The following FYB1 variants were observed in gnomAD, a reference collection of about 807,000 sequenced individuals.
FYB1 encodes the protein FYN-binding protein 1.
A neutral mutation model predicts 94.1 loss-of-function variants in FYB1; 41 were observed. That is an observed-to-expected ratio of 0.44 (90% CI 0.34 to 0.57). The LOEUF is 0.57. Among genes scored for constraint, FYB1 ranks in the 20% least tolerant of loss-of-function variants. The pLI, the probability that FYB1 is intolerant of heterozygous loss-of-function variation, is 0.02. For synonymous variants in FYB1, 367 were observed against 353.2 expected (o/e 1.04, Z -0.44); for missense variants, 1,050 against 976.8 (o/e 1.07, Z -1.00).
At chr5:39,236,530 T>C (rs1234878693) in intron 1 of FYB1, among the ~76,000 whole-genome samples, 1 of 152,070 alleles carries the variant, frequency 6.6e-6, no homozygotes, top group Non-Finnish European at 1.5e-5. Flanking sequence ...GCCATATCCA[T>C]AGAGATATAG....
chr5:39,212,729 T>C (rs1351630920), intron 1 of FYB1: 1 of 152,218 alleles, frequency 6.6e-6, no homozygotes, highest in Admixed American at 6.5e-5. Context: ...CTCATTAAAA[T>C]TGTGATGTTT....
intron 1 of FYB1, among the ~76,000 whole-genome samples, chr5:39,211,412 C>G (rs1007075958): frequency 6.6e-5 from 10 of 151,818 alleles, no homozygotes; most frequent in Non-Finnish European, 5.9e-5. Flanking sequence ...GCTCCGCCTC[C>G]CAGGTTCACG....
chr5:39,228,642 C>T (rs902616901), intron 1 of FYB1, among the ~76,000 whole-genome samples: 1 of 152,128 alleles, frequency 6.6e-6, no homozygotes, highest in Non-Finnish European at 1.5e-5. Context: ...TTTCAAATCA[C>T]CAGGGTCAAC....
intron 2 of FYB1, chr5:39,170,327 A>C: frequency 7.5e-7 from 1 of 1,334,556 alleles, no homozygotes; most frequent in Admixed American, 2.5e-5. Context: ...TCAACAAACC[A>C]AGACATGATG....
At chr5:39,209,707 T>G (rs1415101036) in intron 1 of FYB1, among the ~76,000 whole-genome samples, 1 of 152,154 alleles carries the variant, frequency 6.6e-6, no homozygotes, top group Non-Finnish European at 1.5e-5. Context: ...GGAACCTGGT[T>G]TTATTTTTCC....
intron 14 of FYB1, among the ~76,000 whole-genome samples, chr5:39,121,748 T>A (rs1170947127): frequency 6.6e-6 from 1 of 152,150 alleles, no homozygotes; most frequent in Non-Finnish European, 1.5e-5. Context: ...ACTGATTTTA[T>A]ACAATTTTAG....
At chr5:39,194,243 G>C (rs1747624358) in intron 2 of FYB1, among the ~76,000 whole-genome samples, 1 of 152,144 alleles carries the variant, frequency 6.6e-6, no homozygotes, top group Admixed American at 6.5e-5. Context: ...AACATTAGCT[G>C]GGTGCAGTGG....
intron 14 of FYB1, among the ~76,000 whole-genome samples, chr5:39,120,567 G>C (rs1200925801): frequency 2.6e-5 from 4 of 152,068 alleles, no homozygotes; most frequent in Non-Finnish European, 4.4e-5. Flanking sequence ...GGTCCAGGTA[G>C]TGCTAGACAC....
chr5:39,272,214 T>C (rs1752686354), intron 1 of FYB1, among the ~76,000 whole-genome samples: 1 of 152,104 alleles, frequency 6.6e-6, no homozygotes, highest in Non-Finnish European at 1.5e-5. Context: ...ATGTGCATAT[T>C]TGAGAGCCTT....
At chr5:39,134,739 T>C in intron 8 of FYB1, 116 bp downstream of exon 8, 1 of 1,034,560 alleles carries the variant, frequency 9.7e-7, no homozygotes. Flanking sequence ...CCTCCCTTTG[T>C]CCACTCTGTA....
chr5:39,140,971 C>T (rs370706001), intron 4 of FYB1, 124 bp downstream of exon 4: 479 of 663,358 alleles, frequency 7.2e-4, no homozygotes, highest in Non-Finnish European at 1.1e-3. Context: ...ACAAATAAAA[C>T]GAGAGGGGCC....
intron 2 of FYB1, among the ~76,000 whole-genome samples, chr5:39,185,034 T>C: frequency 6.6e-6 from 1 of 152,314 alleles, no homozygotes; most frequent in South Asian, 2.1e-4. Flanking sequence ...AACTTTAATT[T>C]TAGCTTATAT....
chr5:39,214,698 C>T (rs1431732165), intron 1 of FYB1, among the ~76,000 whole-genome samples: 2 of 152,202 alleles, frequency 1.3e-5, no homozygotes, highest in East Asian at 3.9e-4. Flanking sequence ...GATGCCAAGG[C>T]AGGCAGATCA....
intron 1 of FYB1, among the ~76,000 whole-genome samples, chr5:39,242,244 C>T (rs551309519): frequency 6.6e-6 from 1 of 151,540 alleles, no homozygotes; most frequent in East Asian, 1.9e-4. Flanking sequence ...CACCTATTAA[C>T]TTGTCATTTA....
chr5:39,225,660 A>G (rs1002216219), intron 1 of FYB1, among the ~76,000 whole-genome samples: 5 of 152,234 alleles, frequency 3.3e-5, no homozygotes, highest in African/African-American at 9.6e-5. Context: ...TAACCATTAT[A>G]AAGTGCAAAC....
Position 39,157,465 on chromosome 5 carries a change from G to A in FYB1, c.1136-3861C>T, listed in dbSNP as rs75702186. Among the ~76,000 whole-genome samples, 333 of 152,182 alleles carry A rather than the reference G, an allele frequency of 2.2e-3. 2 individuals are homozygous for A. Among genetic ancestry groups the A allele is most frequent in the African/African-American group, 7.6e-3 (316 of 41,526 alleles). ...TTTGATTTTGGAAACCAGAAAGCAGGGATGTAAACATTCAAGCTAGTAGGA... is the reference window on the plus strand; with the variant it reads ...TTTGATTTTGGAAACCAGAAAGCAGAGATGTAAACATTCAAGCTAGTAGGA... On this transcript the variant is annotated intron_variant, in intron 2 of 18. Coordinates refer to ENST00000512982, the MANE Select transcript of FYB1 (RefSeq NM_001465.6).
At position 39,142,510 on chromosome 5, in the gene FYB1, T is replaced by A. The variant is rs147871280; in HGVS notation, c.1293-1369A>T. Among the ~76,000 whole-genome samples the A allele has an allele frequency of 5.0e-3, 756 of 152,310 alleles. 7 individuals carry two copies. The highest frequency in any genetic ancestry group is 0.018 in the African/African-American group (739 of 41,566). On this transcript the variant is annotated intron_variant, in intron 3 of 18. Coordinates refer to ENST00000512982, the MANE Select transcript of FYB1 (RefSeq NM_001465.6). ...CATTGATTACCCCCTTTCTTCCATG[T>A]GTTGCTTTATTACTTATATTCTCCT...
intron 1 of FYB1, among the ~76,000 whole-genome samples, chr5:39,232,869 C>T (rs1404788040): frequency 6.6e-6 from 1 of 152,050 alleles, no homozygotes; most frequent in Non-Finnish European, 1.5e-5. Context: ...TTTCCAATTT[C>T]ATCCATGTCC....
At chr5:39,253,433 T>G (rs1429504792) in intron 1 of FYB1, among the ~76,000 whole-genome samples, 5 of 152,190 alleles carry the variant, frequency 3.3e-5, no homozygotes, top group South Asian at 2.1e-4. Flanking sequence ...TGACTCATCA[T>G]GAATCCTTGG....
Sources: gnomAD v4.1 joint callset for allele counts (sites outside exome capture counted in the v4.1 genomes callset) on GRCh38, gnomAD v4.1.1 for gene constraint, MANE v1.5 for transcripts, NCBI Gene and HGNC (gene_info 2026-07-23, HGNC 2026-07-21) for gene names.